ARHGAP15: variants seen among roughly 807,000 people sequenced by gnomAD.
ARHGAP15 encodes the protein rho GTPase-activating protein 15.
In ARHGAP15, 51 loss-of-function variants were observed where a neutral mutation model predicts 63.7. The observed-to-expected ratio is 0.80, with a 90% CI of 0.64 to 1.01. ARHGAP15 has a LOEUF of 1.01. Ranked by LOEUF, ARHGAP15 falls within the 50% of genes least tolerant of loss-of-function variation. The pLI, the probability that ARHGAP15 is intolerant of heterozygous loss-of-function variation, is 0.00. For synonymous variants in ARHGAP15, 191 were observed against 193.8 expected, an observed-to-expected ratio of 0.99 and a Z score of 0.12; for missense variants, 560 against 564.6, an observed-to-expected ratio of 0.99 and a Z score of 0.08.
intron 6 of ARHGAP15, among the ~76,000 whole-genome samples, chr2:143,261,235 T>C (rs771204994): frequency 6.6e-6 from 1 of 152,042 alleles, no homozygotes; most frequent in Non-Finnish European, 1.5e-5. Flanking sequence ...ATGTAATTGC[T>C]GGATGTTACA....
intron 6 of ARHGAP15, among the ~76,000 whole-genome samples, chr2:143,420,717 T>C (rs1456284303): frequency 6.6e-6 from 1 of 152,146 alleles, no homozygotes; most frequent in Non-Finnish European, 1.5e-5. Context: ...GGTATCTGCC[T>C]GATGTCATGG....
At chr2:143,380,146 T>TG (rs1553471816) in intron 6 of ARHGAP15, among the ~76,000 whole-genome samples, 1 of 152,158 alleles carries the variant, frequency 6.6e-6, no homozygotes, top group Non-Finnish European at 1.5e-5. Flanking sequence ...AGCAGATTAA[T>TG]GAGTTCTAAT....
At chr2:143,461,463 A>G (rs1453975591) in intron 8 of ARHGAP15, among the ~76,000 whole-genome samples, 2 of 152,120 alleles carry the variant, frequency 1.3e-5, no homozygotes, top group Non-Finnish European at 2.9e-5. Context: ...AACTTTAGGG[A>G]GCACAGATAT....
At chr2:143,355,876 A>G (rs140899462) in intron 6 of ARHGAP15, among the ~76,000 whole-genome samples, 9 of 152,300 alleles carry the variant, frequency 5.9e-5, no homozygotes, top group African/African-American at 2.2e-4. Context: ...GATACAAACT[A>G]CATTTTACAA....
intron 13 of ARHGAP15, among the ~76,000 whole-genome samples, chr2:143,715,848 G>C (rs942173730): frequency 1.3e-5 from 2 of 152,172 alleles, no homozygotes; most frequent in Non-Finnish European, 2.9e-5. Context: ...GGTTTTTATA[G>C]TGTGGGGTTT....
intron 6 of ARHGAP15, among the ~76,000 whole-genome samples, chr2:143,368,134 CCTT>C (rs1221936440): frequency 1.3e-5 from 2 of 151,984 alleles, no homozygotes; most frequent in African/African-American, 4.8e-5. Context: ...GCCAGATATC[CCTT>C]CTTCAAGAAA....
chr2:143,260,300 T>C (rs1219428423), intron 6 of ARHGAP15, among the ~76,000 whole-genome samples: 3 of 152,164 alleles, frequency 2.0e-5, no homozygotes, highest in Non-Finnish European at 2.9e-5. Flanking sequence ...CCAATTAGAA[T>C]TAGGATATCT....
At chr2:143,460,083 G>C (rs1264874620) in intron 8 of ARHGAP15, among the ~76,000 whole-genome samples, 1 of 152,134 alleles carries the variant, frequency 6.6e-6, no homozygotes, top group Non-Finnish European at 1.5e-5. Context: ...AAGTAATACA[G>C]TGATCATGGG....
At chr2:143,411,216 A>C (rs193182101) in intron 6 of ARHGAP15, among the ~76,000 whole-genome samples, 1 of 134,910 alleles carries the variant, frequency 7.4e-6, no homozygotes, top group Admixed American at 7.9e-5. Flanking sequence ...AAAACAAAAG[A>C]AGAAAGAAAA....
chr2:143,213,453 C>T (rs1004284806), intron 3 of ARHGAP15, among the ~76,000 whole-genome samples: 1 of 152,086 alleles, frequency 6.6e-6, no homozygotes, highest in African/African-American at 2.4e-5. Context: ...GCAGAGATTG[C>T]GGTGAGCCGA....
chr2:143,323,748 G>A (rs905429547), intron 6 of ARHGAP15, among the ~76,000 whole-genome samples: 9 of 151,538 alleles, frequency 5.9e-5, no homozygotes, highest in African/African-American at 1.5e-4. Flanking sequence ...TCAGCCGGGC[G>A]TTGTGGCGGA....
intron 5 of ARHGAP15, among the ~76,000 whole-genome samples, chr2:143,235,404 T>C (rs945946561): frequency 6.6e-6 from 1 of 152,120 alleles, no homozygotes; most frequent in Admixed American, 6.5e-5. Flanking sequence ...AAACTGAGAA[T>C]GGACAGAGCC....
At chr2:143,263,884 T>C (rs1680858985) in intron 6 of ARHGAP15, among the ~76,000 whole-genome samples, 1 of 133,450 alleles carries the variant, frequency 7.5e-6, no homozygotes, top group Non-Finnish European at 1.6e-5. Context: ...GATGACTGGG[T>C]GGGTCTACGG....
chr2:143,540,363 G>A (rs1052924026), intron 10 of ARHGAP15, among the ~76,000 whole-genome samples: 7 of 152,060 alleles, frequency 4.6e-5, no homozygotes, highest in East Asian at 3.9e-4. Flanking sequence ...TAACTGGAGC[G>A]TTTAGCCCAT....
intron 6 of ARHGAP15, among the ~76,000 whole-genome samples, chr2:143,410,784 A>G (rs950008100): frequency 2.6e-5 from 4 of 151,348 alleles, no homozygotes; most frequent in Non-Finnish European, 5.9e-5. Flanking sequence ...GAAAGGTGAC[A>G]TTTGAGTAAA....
chr2:143,443,086 G>A (rs1337800656), intron 8 of ARHGAP15, among the ~76,000 whole-genome samples: 1 of 152,060 alleles, frequency 6.6e-6, no homozygotes, highest in Non-Finnish European at 1.5e-5. Flanking sequence ...AAAGTCACAC[G>A]AGTTTCTTGG....
chr2:143,712,741 A>G (rs1361153306), intron 13 of ARHGAP15, among the ~76,000 whole-genome samples: 1 of 152,078 alleles, frequency 6.6e-6, no homozygotes, highest in African/African-American at 2.4e-5. Context: ...TCAGCTTAAC[A>G]GGACACTGGG....
chr2:143,633,252 A>C (rs548278283), intron 12 of ARHGAP15, among the ~76,000 whole-genome samples: 1 of 152,232 alleles, frequency 6.6e-6, no homozygotes, highest in Non-Finnish European at 1.5e-5. Flanking sequence ...CCTGTCTCTT[A>C]ACTCATTCTA....
chr2:143,734,278 G>A (rs916344115), intron 13 of ARHGAP15, among the ~76,000 whole-genome samples: 1 of 152,146 alleles, frequency 6.6e-6, no homozygotes, highest in Non-Finnish European at 1.5e-5. Flanking sequence ...CCACACTCCT[G>A]ACCCTCATGA....
Sources: gnomAD v4.1 joint callset for allele counts (sites outside exome capture counted in the v4.1 genomes callset) on GRCh38, gnomAD v4.1.1 for gene constraint, MANE v1.5 for transcripts, NCBI Gene and HGNC (gene_info 2026-07-23, HGNC 2026-07-21) for gene names.